The following RAB38 variants were observed in gnomAD, a reference collection of about 807,000 sequenced individuals.
The protein encoded by RAB38 is RAB38, member RAS oncogene family, also known as ras-related protein Rab-38.
RAB38 carries 15 observed loss-of-function variants against 18.4 expected under a neutral mutation model. That is an observed-to-expected ratio of 0.82 (90% CI 0.55 to 1.26). The LOEUF is 1.26. RAB38 is among the 50% of genes most tolerant of loss of function. The pLI, the probability that RAB38 is intolerant of heterozygous loss-of-function variation, is 0.00. For synonymous variants in RAB38, 101 were observed against 104.4 expected (o/e 0.97, Z 0.20); for missense variants, 294 against 267.4 (o/e 1.10, Z -0.69).
At chr11:87,808,411 T>G in the RAB38 span, among the ~76,000 whole-genome samples, 1 of 152,166 alleles carries the variant, frequency 6.6e-6, no homozygotes, top group African/African-American at 2.4e-5. Context: ...TGTGACAAAA[T>G]GGATGAACCT....
chr11:87,818,075 T>C, the RAB38 span, among the ~76,000 whole-genome samples: 4 of 152,204 alleles, frequency 2.6e-5, no homozygotes, highest in African/African-American at 9.6e-5. Context: ...GCTTTGCATT[T>C]GTCAGAATCA....
chr11:87,880,154 T>C, the RAB38 span: 1 of 151,842 alleles, frequency 6.6e-6, no homozygotes, highest in Admixed American at 6.6e-5. Flanking sequence ...CTAGAAATAG[T>C]ATTTTTATTT....
chr11:88,145,423 A>G (rs1223271542), intron 2 of RAB38, among the ~76,000 whole-genome samples: 1 of 152,164 alleles, frequency 6.6e-6, no homozygotes, highest in Non-Finnish European at 1.5e-5. Flanking sequence ...CTGAGATTAC[A>G]GCCGTGAGCC....
the RAB38 span, among the ~76,000 whole-genome samples, chr11:88,038,885 A>G: frequency 2.0e-5 from 3 of 152,210 alleles, no homozygotes; most frequent in Admixed American, 6.5e-5. Flanking sequence ...GCAATACTTT[A>G]CAAATATCTA....
At chr11:87,976,484 TTTTATATA>T in the RAB38 span, among the ~76,000 whole-genome samples, 3 of 117,434 alleles carry the variant, frequency 2.6e-5, no homozygotes, top group Admixed American at 3.4e-4. Context: ...AGTTATATAT[TTTTATATA>T]TTTATATATT....
At chr11:88,117,059 T>C (rs1942563751) in intron 2 of RAB38, among the ~76,000 whole-genome samples, 1 of 152,088 alleles carries the variant, frequency 6.6e-6, no homozygotes, top group Non-Finnish European at 1.5e-5. Context: ...CCAAGTAAAG[T>C]CTAGATGGTA....
At chr11:87,890,036 T>G in the RAB38 span, among the ~76,000 whole-genome samples, 2 of 151,850 alleles carry the variant, frequency 1.3e-5, no homozygotes, top group Non-Finnish European at 2.9e-5. Context: ...AAACCTTCTA[T>G]GTACAGGACA....
At chr11:88,015,820 C>T in the RAB38 span, among the ~76,000 whole-genome samples, 1 of 152,076 alleles carries the variant, frequency 6.6e-6, no homozygotes. Context: ...GGAGCCTTTG[C>T]ATGAGGACAG....
chr11:87,924,581 T>C, the RAB38 span, among the ~76,000 whole-genome samples: 1 of 152,044 alleles, frequency 6.6e-6, no homozygotes. Context: ...CTCACTCTAC[T>C]TCACCAGGCA....
At position 88,134,656 on chromosome 11, in the gene RAB38, A is replaced by T. The variant is rs548476513; in HGVS notation, c.483+15019T>A. ...CTAGGAAATCCTGTGTCTGAAGAAC[A>T]TTCATAAATACAAGGTAGAATTTGA... On this transcript the variant is annotated intron_variant, in intron 2 of 2. Coordinates refer to ENST00000243662, the MANE Select transcript of RAB38 (RefSeq NM_022337.3). 2.0e-5 allele frequency among the ~76,000 whole-genome samples: 3 copies of T among 152,348 alleles called. No individual in the cohort carries two copies. In the East Asian group the frequency reaches 5.8e-4, roughly 29 times the overall value.
chr11:88,038,680 C>A, the RAB38 span, among the ~76,000 whole-genome samples: 1 of 152,096 alleles, frequency 6.6e-6, no homozygotes, highest in South Asian at 2.1e-4. Flanking sequence ...TTCATACTAC[C>A]TTTCACCCAA....
the RAB38 span, among the ~76,000 whole-genome samples, chr11:87,861,538 G>A: frequency 6.6e-6 from 1 of 151,856 alleles, no homozygotes; most frequent in Non-Finnish European, 1.5e-5. Context: ...GCAAAGGTCA[G>A]GGCAACAGTT....
At position 88,149,692 on chromosome 11, in the gene RAB38, A is replaced by T; in HGVS notation, c.466T>A (p.Phe156Ile). Residue 156 changes from phenylalanine to isoleucine, a missense_variant, in exon 2 of 3, where the codon TTT becomes ATT. Phe to Ile is a conservative substitution (Grantham distance 21). Transcript: ENST00000243662. The part of the protein sequence containing the change: ...FCKEHGFVGW[F>I]ETSAKENINI... Reference sequence around the variant, plus strand: ...CACATTACCTTTGCTGATGTTTCAAACCATCCTACGAAACCGTGCTCCTTG... The same window carrying T: ...CACATTACCTTTGCTGATGTTTCAATCCATCCTACGAAACCGTGCTCCTTG... 1 of 1,610,762 alleles carries T rather than the reference A, an allele frequency of 6.2e-7. No homozygotes were observed. Among genetic ancestry groups the T allele is most frequent in the Non-Finnish European group, 8.5e-7 (1 of 1,177,254 alleles).
chr11:88,093,476 T>C, the RAB38 span, among the ~76,000 whole-genome samples: 1 of 100,324 alleles, frequency 1.0e-5, no homozygotes, highest in African/African-American at 4.1e-5. Context: ...ATACATCGAA[T>C]TGTATAGTTT....
In RAB38 at chr11:88,150,083, A is replaced by G. The variant is rs1160983967; in HGVS notation, c.203-128T>C. ...TGCTTCGTCTTTACTGATAATCTTTAAAGAGCGAACTAAATATGCAATCAT... is the reference window on the plus strand; with the variant it reads ...TGCTTCGTCTTTACTGATAATCTTTGAAGAGCGAACTAAATATGCAATCAT... On this transcript the variant is annotated intron_variant, in intron 1 of 2. Coordinates refer to ENST00000243662, the MANE Select transcript of RAB38 (RefSeq NM_022337.3). 7.0e-6 allele frequency: 7 copies of G among 993,456 alleles called. No homozygotes were observed. The East Asian group carries it at 1.7e-4, about 24-fold the overall frequency. 61.5% of individuals were successfully genotyped at this position (993,456 alleles called of 1,614,324 possible). A position where few individuals can be genotyped will look rare whatever the true frequency, so the allele number is the denominator to read the frequency against.
the RAB38 span, among the ~76,000 whole-genome samples, chr11:87,847,333 T>A: frequency 5.9e-5 from 9 of 151,986 alleles, no homozygotes; most frequent in Admixed American, 5.9e-4. Context: ...TACAATAGAC[T>A]CTATACATTA....
At chr11:88,105,252 AC>A in the RAB38 span, among the ~76,000 whole-genome samples, 8 of 152,132 alleles carry the variant, frequency 5.3e-5, no homozygotes, top group East Asian at 7.7e-4. Context: ...TCTATAAGCC[AC>A]TTGTCATTAT....
At chr11:87,816,007 G>A in the RAB38 span, 3 of 152,308 alleles carry the variant, frequency 2.0e-5, no homozygotes, top group African/African-American at 7.2e-5. Flanking sequence ...GTATGGCCAG[G>A]AATAGTCCTG....
At chr11:88,026,424 G>T in the RAB38 span, among the ~76,000 whole-genome samples, 146 of 151,800 alleles carry the variant, frequency 9.6e-4, 1 homozygote, top group African/African-American at 3.4e-3. Context: ...TTAGCTGGGC[G>T]TGGTGGAGGG....
Sources: allele counts gnomAD v4.1 joint callset (sites outside exome capture counted in the v4.1 genomes callset), GRCh38; gene constraint gnomAD v4.1.1; transcripts MANE v1.5; gene names NCBI Gene and HGNC (gene_info 2026-07-23, HGNC 2026-07-21).